The following RAPGEF1 variants were observed in gnomAD, a reference collection of about 807,000 sequenced individuals.
RAPGEF1 encodes the protein CRK SH3-binding GNRP.
In RAPGEF1, 33 loss-of-function variants were observed where a neutral mutation model predicts 143.3. The observed-to-expected ratio is 0.23, with a 90% CI of 0.17 to 0.31. RAPGEF1 has a LOEUF of 0.31. Ranked by LOEUF, RAPGEF1 falls within the 10% of genes least tolerant of loss-of-function variation. The pLI, the probability that RAPGEF1 is intolerant of heterozygous loss-of-function variation, is 1.00. For missense variants in RAPGEF1, 1,199 were observed against 1,645.4 expected, an observed-to-expected ratio of 0.73 and a Z score of 4.69; for synonymous variants, 629 against 676.5, an observed-to-expected ratio of 0.93 and a Z score of 1.09.
At chr9:131,697,819 G>A (rs2131081868) in intron 1 of RAPGEF1, among the ~76,000 whole-genome samples, 1 of 152,332 alleles carries the variant, frequency 6.6e-6, no homozygotes, top group African/African-American at 2.4e-5. Context: ...TGGTTGAAAA[G>A]ACAGTTGATG....
chr9:131,587,695 A>G, intron 22 of RAPGEF1, 41 bp downstream of exon 22: 1 of 1,583,368 alleles, frequency 6.3e-7, no homozygotes, highest in Non-Finnish European at 8.6e-7. Context: ...CAGACGTGCC[A>G]CCATCCAGAG....
intron 12 of RAPGEF1, among the ~76,000 whole-genome samples, chr9:131,607,312 C>G (rs193103948): frequency 1.3e-5 from 2 of 152,272 alleles, no homozygotes; most frequent in Admixed American, 1.3e-4. Context: ...TTGGTACACC[C>G]TGGCTTGCCG....
At chr9:131,594,201 C>A (rs1450702495) in intron 17 of RAPGEF1, among the ~76,000 whole-genome samples, 3 of 152,216 alleles carry the variant, frequency 2.0e-5, no homozygotes, top group African/African-American at 7.2e-5. Context: ...GCTGTGCCAC[C>A]CCTCTAGAGA....
Position 131,584,907 on chromosome 9 carries a change from A to C in RAPGEF1, c.3234-311T>G, listed in dbSNP as rs552960652. Among the ~76,000 whole-genome samples the C allele has an allele frequency of 6.6e-6, 1 of 152,302 alleles. No homozygotes were observed. The highest frequency in any genetic ancestry group is 1.9e-4 in the East Asian group (1 of 5,188). ...GAGGATGAAAGCAGAGCCTTTCCTGACAAGCATGGGCCCCAAGTACCAGGG... is the reference window on the plus strand; with the variant it reads ...GAGGATGAAAGCAGAGCCTTTCCTGCCAAGCATGGGCCCCAAGTACCAGGG... On this transcript the variant is annotated intron_variant, in intron 22 of 26. Transcript: ENST00000683357. The surrounding 1 kb of genome is among the most constrained non-coding windows in gnomAD (Gnocchi z 6.8).
At chr9:131,604,389 C>T (rs1170285601) in intron 13 of RAPGEF1, among the ~76,000 whole-genome samples, 6 of 152,228 alleles carry the variant, frequency 3.9e-5, no homozygotes, top group Non-Finnish European at 8.8e-5. Context: ...GCCTGCACTT[C>T]CTCTGCCCCA....
At chr9:131,591,504 T>G (rs1332902712) in intron 18 of RAPGEF1, among the ~76,000 whole-genome samples, 3 of 152,158 alleles carry the variant, frequency 2.0e-5, no homozygotes, top group African/African-American at 7.2e-5. Context: ...TCCAAACCCC[T>G]GGGGTCCTCC....
At chr9:131,683,398 C>T (rs980699430) in intron 1 of RAPGEF1, among the ~76,000 whole-genome samples, 3 of 152,154 alleles carry the variant, frequency 2.0e-5, no homozygotes, top group African/African-American at 4.8e-5. Context: ...CTCTAGTTCT[C>T]GTAATTAAGA....
intron 9 of RAPGEF1, among the ~76,000 whole-genome samples, chr9:131,627,199 G>A: frequency 8.6e-6 from 1 of 116,780 alleles, no homozygotes; most frequent in East Asian, 3.1e-4. Flanking sequence ...GGGTGACAGA[G>A]TGAGGCTCTG....
At chr9:131,662,270 C>T (rs80268824) in intron 1 of RAPGEF1, among the ~76,000 whole-genome samples, 5,445 of 152,300 alleles carry the variant, frequency 0.036, 210 homozygotes, top group East Asian at 0.09. Context: ...AGTCCTTAAG[C>T]CCACCTTCTC....
At chr9:131,588,105 C>T (rs113525739) in intron 20 of RAPGEF1, 79 bp from the exon 21 acceptor site, 3 of 1,241,470 alleles carry the variant, frequency 2.4e-6, no homozygotes, top group East Asian at 2.5e-5. Flanking sequence ...GGGCTGCGGG[C>T]GTCAGAGCAG....
At chr9:131,589,120 A>C in intron 19 of RAPGEF1, 134 bp from the exon 20 acceptor site, 1 of 838,520 alleles carries the variant, frequency 1.2e-6, no homozygotes, top group Non-Finnish European at 1.8e-6. Context: ...TCATGGGAAG[A>C]GAGCAGGAGA....
At chr9:131,724,157 CACTCAGGTA>C (rs1836468134) in intron 1 of RAPGEF1, among the ~76,000 whole-genome samples, 1 of 152,212 alleles carries the variant, frequency 6.6e-6, no homozygotes. Context: ...TCTTCATCCT[CACTCAGGTA>C]ACTCATCGGA....
At position 131,650,270 on chromosome 9, in the gene RAPGEF1, C is replaced by T. The variant is rs1970745808; in HGVS notation, c.202-28G>A. The T allele has an allele frequency of 5.1e-6, 8 of 1,558,418 alleles. No homozygotes were observed. Among genetic ancestry groups the T allele is most frequent in the African/African-American group, 1.4e-5 (1 of 73,442 alleles). ...GGAAGAGAGGAAACCTGGATTCCTA[C>T]AGAGTTTGAAATGGCTGTTTGAGGC... On this transcript the variant is annotated intron_variant, in intron 2 of 26. Coordinates refer to ENST00000683357, the MANE Select transcript of RAPGEF1 (RefSeq NM_001377935.1). This position sits in a 1 kb window ranked among gnomAD's most constrained non-coding sequence, Gnocchi z 4.7.
intron 18 of RAPGEF1, among the ~76,000 whole-genome samples, chr9:131,590,610 G>T (rs1378923877): frequency 6.6e-6 from 1 of 152,172 alleles, no homozygotes; most frequent in African/African-American, 2.4e-5. Flanking sequence ...TTTCCTGCCC[G>T]GCTGTTGTGC....
intron 1 of RAPGEF1, among the ~76,000 whole-genome samples, chr9:131,697,053 C>T (rs1184164191): frequency 2.0e-5 from 3 of 152,278 alleles, no homozygotes; most frequent in South Asian, 2.1e-4. Flanking sequence ...ACATAAGTAG[C>T]GGGGCTATTT....
At chr9:131,622,543 G>A (rs1340843558) in intron 10 of RAPGEF1, among the ~76,000 whole-genome samples, 2 of 152,196 alleles carry the variant, frequency 1.3e-5, no homozygotes, top group African/African-American at 2.4e-5. Context: ...GCCACACTGG[G>A]GGTCCAGGTA....
At chr9:131,581,877 A>C (rs1951915131) in intron 25 of RAPGEF1, among the ~76,000 whole-genome samples, 1 of 152,186 alleles carries the variant, frequency 6.6e-6, no homozygotes, top group African/African-American at 2.4e-5. Flanking sequence ...CAGAGCAGGA[A>C]GCCTGGGGAT....
intron 12 of RAPGEF1, among the ~76,000 whole-genome samples, chr9:131,613,006 G>C (rs756803182): frequency 2.0e-5 from 3 of 152,178 alleles, no homozygotes; most frequent in Non-Finnish European, 4.4e-5. Context: ...CTCCTCAGGG[G>C]ACATGCAATC....
chr9:131,595,954 G>C (rs946718020), intron 17 of RAPGEF1, among the ~76,000 whole-genome samples: 1 of 152,200 alleles, frequency 6.6e-6, no homozygotes, highest in Admixed American at 6.5e-5. Flanking sequence ...GGAATCAAAA[G>C]GTACCTGCAT....
Sources: allele counts gnomAD v4.1 joint callset (sites outside exome capture counted in the v4.1 genomes callset), GRCh38; gene constraint gnomAD v4.1.1; non-coding constraint Gnocchi (gnomAD v3.1); transcripts MANE v1.5; gene names NCBI Gene and HGNC (gene_info 2026-07-23, HGNC 2026-07-21).